The following KALRN variants were observed in gnomAD, a reference collection of about 807,000 sequenced individuals.
The protein encoded by KALRN is kalirin RhoGEF kinase.
In KALRN, 70 loss-of-function variants were observed where a neutral mutation model predicts 353.7. That is an observed-to-expected ratio of 0.20 (90% CI 0.16 to 0.24). The LOEUF (loss-of-function observed/expected upper bound fraction) is 0.24, where lower values mean the gene tolerates loss of function less well. KALRN is among the 10% of genes least tolerant of loss of function. The probability of loss-of-function intolerance (pLI) is 1.00; values close to 1 mark genes in which losing one functional copy is unlikely to be tolerated. For missense variants in KALRN, 2,791 were observed against 3,756.7 expected, an observed-to-expected ratio of 0.74 and a Z score of 6.72; for synonymous variants, 1,391 against 1,434.8, an observed-to-expected ratio of 0.97 and a Z score of 0.69.
chr3:124,423,090 T>A, intron 15 of KALRN, 112 bp downstream of exon 15: 1 of 937,816 alleles, frequency 1.1e-6, no homozygotes, highest in Non-Finnish European at 1.6e-6. Context: ...CCCCTTTAAG[T>A]AACCAGCACT....
chr3:124,072,646 G>A (rs2060073717), intron 1 of KALRN, among the ~76,000 whole-genome samples: 1 of 152,180 alleles, frequency 6.6e-6, no homozygotes, highest in Non-Finnish European at 1.5e-5. Context: ...ACATGGATGT[G>A]ATCTACCATC....
At chr3:124,667,900 T>C (rs1257133210) in intron 47 of KALRN, among the ~76,000 whole-genome samples, 2 of 152,024 alleles carry the variant, frequency 1.3e-5, no homozygotes, top group Non-Finnish European at 2.9e-5. Context: ...GGGTATGCGA[T>C]TTTAAGCTAG....
intron 3 of KALRN, among the ~76,000 whole-genome samples, chr3:124,237,379 T>C (rs1460316312): frequency 6.6e-6 from 1 of 151,802 alleles, no homozygotes; most frequent in African/African-American, 2.4e-5. Flanking sequence ...TTTTTTTTTT[T>C]TGAGACTGAG....
At chr3:124,562,091 G>A (rs540153824) in intron 33 of KALRN, among the ~76,000 whole-genome samples, 12 of 152,308 alleles carry the variant, frequency 7.9e-5, no homozygotes, top group South Asian at 6.2e-4. Context: ...AGGGCTGGGC[G>A]TATGCTCCTA....
intron 1 of KALRN, among the ~76,000 whole-genome samples, chr3:124,203,417 G>A (rs7627053): frequency 0.064 from 9,685 of 152,252 alleles, 295 homozygotes; most frequent in Middle Eastern, 0.088. Flanking sequence ...GTCATGTAGT[G>A]AGTTGAGGGC....
At chr3:124,281,757 A>G (rs1319493597) in intron 5 of KALRN, among the ~76,000 whole-genome samples, 5 of 152,182 alleles carry the variant, frequency 3.3e-5, no homozygotes, top group African/African-American at 1.2e-4. Flanking sequence ...TCCCCCAATT[A>G]TATTGAAAAT....
chr3:124,722,647 C>T lies in KALRN; in HGVS notation c.*3177C>T, dbSNP rs570939813. 8 of 152,134 alleles carry T rather than the reference C, an allele frequency of 5.3e-5. No individual in the cohort carries two copies. The highest frequency in any genetic ancestry group is 1.9e-4 in the East Asian group (1 of 5,154). The allele number at this position is 152,134 out of a possible 1,614,324, so 9.4% of individuals were successfully genotyped here. On this transcript the variant is annotated 3_prime_UTR_variant, in exon 60 of 60. Coordinates refer to ENST00000682506, the MANE Select transcript of KALRN (RefSeq NM_001388419.1). ...TACTTTAGGTTGCTCTGAGGGCAAC[C>T]GTGCTTAGGGAAAAAGGATCAGGGG... is the stretch of plus-strand genomic sequence containing the variant.
intron 33 of KALRN, among the ~76,000 whole-genome samples, chr3:124,545,619 G>A (rs970927192): frequency 6.6e-6 from 1 of 152,166 alleles, no homozygotes; most frequent in East Asian, 1.9e-4. Flanking sequence ...TCTAGGCTGG[G>A]TCTCAACAAC....
intron 42 of KALRN, 108 bp from the exon 43 acceptor site, chr3:124,659,257 A>C (rs182217195): frequency 1.3e-6 from 1 of 782,708 alleles, no homozygotes; most frequent in East Asian, 2.5e-5. Flanking sequence ...AGATTCTTCA[A>C]CTTCATTGGA....
chr3:124,413,721 T>G (rs6762346), intron 14 of KALRN, 56 bp downstream of exon 14: 658,276 of 1,402,204 alleles, frequency 0.47, 160,861 homozygotes, highest in East Asian at 0.77. Flanking sequence ...AAGCATACCA[T>G]CTAGCCTGCA....
At chr3:124,070,992 CTT>C (rs11351739) in intron 1 of KALRN, among the ~76,000 whole-genome samples, 24 of 151,750 alleles carry the variant, frequency 1.6e-4, no homozygotes, top group African/African-American at 3.9e-4. Context: ...CTTCCACTGT[CTT>C]TTTTTTTTGT....
intron 5 of KALRN, among the ~76,000 whole-genome samples, chr3:124,285,194 A>G (rs994212999): frequency 6.6e-6 from 1 of 152,188 alleles, no homozygotes; most frequent in African/African-American, 2.4e-5. Flanking sequence ...GGTTTGAACA[A>G]ATGATCTGGG....
At chr3:124,599,789 A>G (rs1012708440) in intron 34 of KALRN, among the ~76,000 whole-genome samples, 4 of 152,154 alleles carry the variant, frequency 2.6e-5, no homozygotes, top group Non-Finnish European at 4.4e-5. Context: ...CAGCCTTTCT[A>G]ATTTTGAAGT....
At chr3:124,422,791 T>G in intron 14 of KALRN, 21 bp from the exon 15 acceptor site, 1 of 1,609,554 alleles carries the variant, frequency 6.2e-7, no homozygotes. Context: ...TTTTTAATTG[T>G]TTCCATTTTT....
intron 34 of KALRN, among the ~76,000 whole-genome samples, chr3:124,595,188 T>A (rs1022103318): frequency 2.7e-5 from 4 of 145,918 alleles, no homozygotes; most frequent in Admixed American, 2.7e-4. Context: ...TTTCCATGTG[T>A]GTTTTTTTTT....
Position 124,264,594 on chromosome 3 carries a change from C to T in KALRN, c.360C>T (p.Ala120=), listed in dbSNP as rs771177581. The change falls in exon 4 of 60, where the codon GCC becomes GCT. Residue 120 remains alanine (A), a synonymous_variant. Coordinates refer to ENST00000682506, the MANE Select transcript of KALRN (RefSeq NM_001388419.1). The part of the protein sequence containing the change: ...IKPLLKTLQE[A]FPAEIHVALI... Reference sequence around the variant, plus strand: ...CCCTCCTCAAAACGCTGCAGGAAGCCTTTCCAGCTGAGATCCATGTGGCCC... The same window carrying T: ...CCCTCCTCAAAACGCTGCAGGAAGCTTTTCCAGCTGAGATCCATGTGGCCC... 1.9e-6 allele frequency: 3 copies of T among 1,614,168 alleles called. No individual in the cohort carries two copies. Among genetic ancestry groups the T allele is most frequent in the Non-Finnish European group, 2.5e-6 (3 of 1,180,002 alleles).
intron 33 of KALRN, among the ~76,000 whole-genome samples, chr3:124,542,654 C>A (rs1329116956): frequency 2.0e-5 from 3 of 152,208 alleles, no homozygotes; most frequent in African/African-American, 7.2e-5. Context: ...GTGCTTTGTT[C>A]AGAGAGAATA....
chr3:124,578,312 T>G (rs1484417139), intron 34 of KALRN, among the ~76,000 whole-genome samples: 1 of 152,172 alleles, frequency 6.6e-6, no homozygotes, highest in Non-Finnish European at 1.5e-5. Flanking sequence ...CTTGGTAATT[T>G]GGGAATATTG....
At chr3:124,326,587 A>G (rs1009709150) in intron 7 of KALRN, among the ~76,000 whole-genome samples, 5 of 152,366 alleles carry the variant, frequency 3.3e-5, no homozygotes, top group African/African-American at 4.8e-5. Flanking sequence ...GCTATGGATA[A>G]TGGGAATATA....
Sources: allele counts gnomAD v4.1 joint callset (sites outside exome capture counted in the v4.1 genomes callset), GRCh38; gene constraint gnomAD v4.1.1; transcripts MANE v1.5; gene names NCBI Gene and HGNC (gene_info 2026-07-23, HGNC 2026-07-21).